The following USP46 variants were observed in gnomAD, a reference collection of about 807,000 sequenced individuals.
The protein encoded by USP46 is ubiquitin carboxyl-terminal hydrolase 46.
A neutral mutation model predicts 44.4 loss-of-function variants in USP46; 12 were observed. The observed-to-expected ratio is 0.27, with a 90% CI of 0.17 to 0.44. The LOEUF is 0.44. Ranked by LOEUF, USP46 falls within the 20% of genes least tolerant of loss-of-function variation. The pLI, the probability that USP46 is intolerant of heterozygous loss-of-function variation, is 1.00. For synonymous variants in USP46, 155 were observed against 161.5 expected, an observed-to-expected ratio of 0.96 and a Z score of 0.31; for missense variants, 248 against 444.8, an observed-to-expected ratio of 0.56 and a Z score of 3.98.
At chr4:52,650,884 GTCAAGAGA>G (rs1166417579) in intron 1 of USP46, 1 of 152,094 alleles carries the variant, frequency 6.6e-6, no homozygotes, top group African/African-American at 2.4e-5. Flanking sequence ...GGATCACGAG[GTCAAGAGA>G]TCAAGACCAT....
chr4:52,630,246 G>C (rs1241857480), intron 2 of USP46, among the ~76,000 whole-genome samples: 2 of 152,094 alleles, frequency 1.3e-5, no homozygotes, highest in African/African-American at 4.8e-5. Flanking sequence ...GGTTACTGCT[G>C]AGTGCAAAAA....
chr4:52,658,102 C>T (rs1366648403), intron 1 of USP46: 5 of 416,896 alleles, frequency 1.2e-5, no homozygotes, highest in Non-Finnish European at 1.5e-5. Context: ...CTCCGGGGAC[C>T]CGCTTGGGAG....
intron 4 of USP46, among the ~76,000 whole-genome samples, chr4:52,624,442 G>C (rs1436783308): frequency 6.6e-6 from 1 of 152,050 alleles, no homozygotes; most frequent in Non-Finnish European, 1.5e-5. Context: ...ACCATCTCTG[G>C]GTGGGAAGAT....
intron 1 of USP46, among the ~76,000 whole-genome samples, chr4:52,642,796 A>G (rs1287954655): frequency 6.6e-6 from 1 of 152,220 alleles, no homozygotes. Context: ...TAAAATGCTA[A>G]AAGAGAAAAC....
chr4:52,654,816 G>A (rs1318009437), intron 1 of USP46, among the ~76,000 whole-genome samples: 1 of 152,194 alleles, frequency 6.6e-6, no homozygotes, highest in Non-Finnish European at 1.5e-5. Context: ...TTTAAACAAG[G>A]TAGTTAGGTA....
intron 5 of USP46, among the ~76,000 whole-genome samples, chr4:52,607,556 T>C (rs1298169453): frequency 6.6e-6 from 1 of 152,190 alleles, no homozygotes; most frequent in Non-Finnish European, 1.5e-5. Context: ...TGGGGCTTGA[T>C]ATAGTTTGGA....
chr4:52,642,062 T>C (rs550024078), intron 1 of USP46, among the ~76,000 whole-genome samples: 122 of 152,278 alleles, frequency 8.0e-4, no homozygotes, highest in Non-Finnish European at 1.5e-3. Context: ...AGAATTCTGA[T>C]GACAAAGATC....
intron 4 of USP46, among the ~76,000 whole-genome samples, chr4:52,616,712 G>C (rs1459428730): frequency 6.6e-6 from 1 of 152,144 alleles, no homozygotes; most frequent in Non-Finnish European, 1.5e-5. Flanking sequence ...ACATTTACCA[G>C]GACAGACCAT....
rs905105739 is a variant in USP46 at position 52,595,557 on chromosome 4, G to A, written c.*2083C>T. ...TCTTTCTATTAAAAGGAATTACTTC[G>A]ATTAAATAACTGGGAAAAACATTTT... On this transcript the variant is annotated 3_prime_UTR_variant, in exon 9 of 9. Transcript: ENST00000441222. 12 of 152,036 alleles carry A rather than the reference G, an allele frequency of 7.9e-5. No individual in the cohort carries two copies. Among genetic ancestry groups the A allele is most frequent in the Non-Finnish European group, 1.5e-4 (10 of 68,004 alleles). 9.4% of individuals were successfully genotyped at this position (152,036 alleles called of 1,614,324 possible).
At chr4:52,637,216 C>A (rs1454438282) in intron 1 of USP46, among the ~76,000 whole-genome samples, 1 of 152,182 alleles carries the variant, frequency 6.6e-6, no homozygotes, top group East Asian at 1.9e-4. Context: ...AGCTTCAAAT[C>A]TGGCAAACTC....
intron 1 of USP46, among the ~76,000 whole-genome samples, chr4:52,641,237 G>A (rs1168326448): frequency 1.3e-5 from 2 of 152,126 alleles, no homozygotes; most frequent in African/African-American, 4.8e-5. Context: ...GTAAATCACA[G>A]GGTCGGGAAG....
intron 1 of USP46, among the ~76,000 whole-genome samples, chr4:52,639,871 T>G (rs928412764): frequency 6.7e-6 from 1 of 148,522 alleles, no homozygotes; most frequent in African/African-American, 2.5e-5. Context: ...TTTTTTTTTT[T>G]TTTTTTTTTT....
intron 1 of USP46, among the ~76,000 whole-genome samples, chr4:52,635,421 C>CA (rs1718074983): frequency 6.6e-6 from 1 of 152,218 alleles, no homozygotes; most frequent in South Asian, 2.1e-4. Context: ...AAGTGGCCCA[C>CA]AACAGGTCCC....
intron 1 of USP46, among the ~76,000 whole-genome samples, chr4:52,640,406 G>A (rs1356756346): frequency 6.6e-6 from 1 of 152,070 alleles, no homozygotes; most frequent in East Asian, 1.9e-4. Flanking sequence ...TTATAACAGT[G>A]GTCTTCAGCA....
chr4:52,612,561 T>C (rs1009088481), intron 4 of USP46, among the ~76,000 whole-genome samples: 2 of 152,264 alleles, frequency 1.3e-5, no homozygotes, highest in African/African-American at 4.8e-5. Flanking sequence ...GAAACTGCTC[T>C]CTTGCATCAC....
chr4:52,628,086 T>C lies in USP46; in HGVS notation c.195A>G (p.Ala65=). The part of the protein sequence containing the change: ...FCRPFRENVL[A]YKAQQKKKEN... ...CCTTCTTCTTTTGCTGGGCCTTGTA[T>C]GCCAACACATTCTCCCGGAATGGAC... Residue 65 remains alanine (A), a synonymous_variant, in exon 3 of 9, where the codon GCA becomes GCG. Transcript: ENST00000441222. The C allele has an allele frequency of 6.2e-7, 1 of 1,614,000 alleles. No individual in the cohort carries two copies. Among genetic ancestry groups the C allele is most frequent in the East Asian group, 2.2e-5 (1 of 44,874 alleles).
At chr4:52,632,529 A>G (rs1717871296) in intron 1 of USP46, among the ~76,000 whole-genome samples, 1 of 152,128 alleles carries the variant, frequency 6.6e-6, no homozygotes, top group South Asian at 2.1e-4. Context: ...ATGAATAAGA[A>G]AAAAGTTTTG....
chr4:52,634,809 G>A (rs1718050162), intron 1 of USP46, among the ~76,000 whole-genome samples: 1 of 152,194 alleles, frequency 6.6e-6, no homozygotes, highest in South Asian at 2.1e-4. Context: ...CCGACTCATG[G>A]AAGACCTACA....
At chr4:52,597,886 G>T in intron 8 of USP46, 145 bp from the exon 9 acceptor site, 2 of 639,558 alleles carry the variant, frequency 3.1e-6, no homozygotes, top group East Asian at 5.8e-5. Flanking sequence ...AGCAAATGGA[G>T]AATTCCACAG....
Sources: gnomAD v4.1 joint callset for allele counts (sites outside exome capture counted in the v4.1 genomes callset) on GRCh38, gnomAD v4.1.1 for gene constraint, MANE v1.5 for transcripts, NCBI Gene and HGNC (gene_info 2026-07-23, HGNC 2026-07-21) for gene names.